KHDRBS2: variants seen among roughly 807,000 people sequenced by gnomAD.
The protein encoded by KHDRBS2 is KH RNA binding domain containing, signal transduction associated 2.
In KHDRBS2, 26 loss-of-function variants were observed where a neutral mutation model predicts 44.3. The observed-to-expected ratio is 0.59, with a 90% CI of 0.43 to 0.81. The LOEUF (loss-of-function observed/expected upper bound fraction) is 0.81, where lower values mean the gene tolerates loss of function less well. Ranked by LOEUF, KHDRBS2 falls within the 40% of genes least tolerant of loss-of-function variation. The pLI is 0.00. For synonymous variants in KHDRBS2, 194 were observed against 151.1 expected (o/e 1.28, Z -2.08); for missense variants, 476 against 433.1 (o/e 1.10, Z -0.88).
the KHDRBS2 span, among the ~76,000 whole-genome samples, chr6:61,601,562 T>C: frequency 6.6e-6 from 1 of 152,150 alleles, no homozygotes; most frequent in Admixed American, 6.5e-5. Flanking sequence ...CTGAGGTGCC[T>C]GACGTCCAGG....
At chr6:61,746,751 G>T (rs539214150) in intron 6 of KHDRBS2, among the ~76,000 whole-genome samples, 5 of 152,068 alleles carry the variant, frequency 3.3e-5, no homozygotes, top group African/African-American at 4.8e-5. Context: ...ATACTTAAAT[G>T]TAAAACCCCA....
intron 6 of KHDRBS2, among the ~76,000 whole-genome samples, chr6:61,774,704 C>T (rs560405400): frequency 6.6e-6 from 1 of 152,134 alleles, no homozygotes; most frequent in African/African-American, 2.4e-5. Context: ...CCGAATTCTC[C>T]CAGAGGTACA....
At chr6:62,076,590 T>G (rs1307732577) in intron 2 of KHDRBS2, among the ~76,000 whole-genome samples, 2 of 152,042 alleles carry the variant, frequency 1.3e-5, no homozygotes, top group African/African-American at 2.4e-5. Context: ...GTCATAAAAT[T>G]AAATTATTTA....
the KHDRBS2 span, among the ~76,000 whole-genome samples, chr6:61,555,453 C>T: frequency 6.6e-6 from 1 of 152,168 alleles, no homozygotes; most frequent in African/African-American, 2.4e-5. Context: ...TTTCAACTTT[C>T]TCTTAATTGT....
At chr6:62,068,618 T>C (rs551724628) in intron 2 of KHDRBS2, among the ~76,000 whole-genome samples, 1 of 151,734 alleles carries the variant, frequency 6.6e-6, no homozygotes, top group East Asian at 2.0e-4. Flanking sequence ...ACAAGAATCA[T>C]ATAGTTTTAA....
intron 6 of KHDRBS2, among the ~76,000 whole-genome samples, chr6:61,785,054 T>G (rs1477358404): frequency 1.3e-5 from 2 of 151,822 alleles, no homozygotes; most frequent in Non-Finnish European, 2.9e-5. Context: ...GAGGCTGAAA[T>G]GGGAGGATCA....
chr6:61,902,434 C>T (rs1464191965), intron 4 of KHDRBS2, among the ~76,000 whole-genome samples: 1 of 152,054 alleles, frequency 6.6e-6, no homozygotes, highest in Non-Finnish European at 1.5e-5. Flanking sequence ...AAGAGTGGAG[C>T]TGAATCATTA....
At chr6:61,734,384 A>T (rs1774986633) in intron 6 of KHDRBS2, among the ~76,000 whole-genome samples, 1 of 152,228 alleles carries the variant, frequency 6.6e-6, no homozygotes, top group South Asian at 2.1e-4. Flanking sequence ...TCCCCAAAAT[A>T]GTAGTTCCTT....
the KHDRBS2 span, among the ~76,000 whole-genome samples, chr6:61,568,138 T>C: frequency 1.3e-5 from 2 of 152,202 alleles, no homozygotes; most frequent in East Asian, 3.9e-4. Context: ...TTATCAAATA[T>C]CAGTTGGCTG....
At chr6:61,963,539 T>G (rs1281761842) in intron 4 of KHDRBS2, among the ~76,000 whole-genome samples, 1 of 152,056 alleles carries the variant, frequency 6.6e-6, no homozygotes. Flanking sequence ...GGGATGTGAC[T>G]CTATGAAAGG....
intron 4 of KHDRBS2, among the ~76,000 whole-genome samples, chr6:61,974,083 T>C (rs1183184770): frequency 6.6e-6 from 1 of 152,224 alleles, no homozygotes; most frequent in East Asian, 1.9e-4. Context: ...ATGTACTATG[T>C]TTCAGTCATG....
At chr6:62,231,950 T>A (rs1457369929) in intron 1 of KHDRBS2, among the ~76,000 whole-genome samples, 4 of 152,170 alleles carry the variant, frequency 2.6e-5, no homozygotes, top group Admixed American at 1.3e-4. Context: ...CAATTTGCAA[T>A]ATTTCATTGA....
At chr6:62,065,693 T>G (rs1274959172) in intron 2 of KHDRBS2, among the ~76,000 whole-genome samples, 3 of 143,568 alleles carry the variant, frequency 2.1e-5, no homozygotes, top group Non-Finnish European at 3.1e-5. Flanking sequence ...AGATGACGAG[T>G]TAGTGGGTGC....
the KHDRBS2 span, among the ~76,000 whole-genome samples, chr6:61,623,793 C>T: frequency 6.6e-6 from 1 of 152,064 alleles, no homozygotes; most frequent in Non-Finnish European, 1.5e-5. Context: ...GGGAAAATAG[C>T]CTGTCTAGCT....
At chr6:62,065,791 AAAG>A (rs1162692844) in intron 2 of KHDRBS2, among the ~76,000 whole-genome samples, 7 of 152,072 alleles carry the variant, frequency 4.6e-5, no homozygotes, top group Admixed American at 1.3e-4. Flanking sequence ...AAAAAAAAAA[AAAG>A]AATGATCCAT....
At chr6:61,771,813 G>C (rs1344235791) in intron 6 of KHDRBS2, among the ~76,000 whole-genome samples, 2 of 152,062 alleles carry the variant, frequency 1.3e-5, no homozygotes, top group African/African-American at 4.8e-5. Flanking sequence ...CCAGGAATTA[G>C]ACTCAGATCT....
At chr6:61,833,917 A>G (rs1198649481) in intron 6 of KHDRBS2, among the ~76,000 whole-genome samples, 1 of 152,054 alleles carries the variant, frequency 6.6e-6, no homozygotes, top group African/African-American at 2.4e-5. Context: ...AATGTTTTTC[A>G]AAGGATTGTG....
intron 6 of KHDRBS2, among the ~76,000 whole-genome samples, chr6:61,798,914 AGAAAT>A (rs1785810811): frequency 6.6e-6 from 1 of 152,018 alleles, no homozygotes. Context: ...AAAATTCACT[AGAAAT>A]GAAAGGAAAA....
At chr6:61,817,249 A>G (rs536100712) in intron 6 of KHDRBS2, among the ~76,000 whole-genome samples, 1 of 150,762 alleles carries the variant, frequency 6.6e-6, no homozygotes, top group South Asian at 2.1e-4. Context: ...ATTGTGGAAA[A>G]TGGTAAGATG....
Sources: allele counts gnomAD v4.1 joint callset (sites outside exome capture counted in the v4.1 genomes callset), GRCh38; gene constraint gnomAD v4.1.1; transcripts MANE v1.5; gene names NCBI Gene and HGNC (gene_info 2026-07-23, HGNC 2026-07-21).